Variants in TAFA4 observed in about 807,000 individuals in gnomAD.
TAFA4 encodes the protein TAFA chemokine like family member 4, also known as chemokine-like protein TAFA-4.
TAFA4 carries 20 observed loss-of-function variants against 21.1 expected under a neutral mutation model. The observed-to-expected ratio is 0.95, with a 90% CI of 0.67 to 1.38. The LOEUF (loss-of-function observed/expected upper bound fraction) is 1.38, where lower values mean the gene tolerates loss of function less well. Ranked by LOEUF, TAFA4 falls within the 40% of genes most tolerant of loss-of-function variation. The probability of loss-of-function intolerance (pLI) is 0.00; values close to 1 mark genes in which losing one functional copy is unlikely to be tolerated. For synonymous variants in TAFA4, 71 were observed against 67.4 expected, an observed-to-expected ratio of 1.05 and a Z score of -0.26; for missense variants, 211 against 180.9, an observed-to-expected ratio of 1.17 and a Z score of -0.95.
chr3:68,832,213 G>T (rs1704414522), intron 3 of TAFA4, among the ~76,000 whole-genome samples: 1 of 152,112 alleles, frequency 6.6e-6, no homozygotes, highest in South Asian at 2.1e-4. Context: ...GTCCAGTTTT[G>T]TTCCCTTGCT....
intron 3 of TAFA4, among the ~76,000 whole-genome samples, chr3:68,869,066 A>G (rs1269190551): frequency 2.0e-5 from 3 of 151,936 alleles, no homozygotes; most frequent in Non-Finnish European, 1.5e-5. Context: ...CAGAAATTCA[A>G]TGGATCATCA....
chr3:68,926,239 A>T (rs1159570508), intron 1 of TAFA4, among the ~76,000 whole-genome samples: 1 of 152,010 alleles, frequency 6.6e-6, no homozygotes. Flanking sequence ...AAAAAAAAAA[A>T]AATCAGGTCT....
chr3:68,792,077 C>T (rs1288662107), intron 3 of TAFA4, among the ~76,000 whole-genome samples: 3 of 152,104 alleles, frequency 2.0e-5, no homozygotes, highest in Non-Finnish European at 4.4e-5. Context: ...TAGTTTTTCT[C>T]AAATTATTAA....
chr3:68,779,713 C>T (rs1703119625), intron 3 of TAFA4, among the ~76,000 whole-genome samples: 1 of 152,190 alleles, frequency 6.6e-6, no homozygotes, highest in East Asian at 1.9e-4. Context: ...TATGGAAACA[C>T]CTGGATGCCC....
chr3:68,920,541 A>G (rs887919583), intron 1 of TAFA4, among the ~76,000 whole-genome samples: 10 of 152,102 alleles, frequency 6.6e-5, no homozygotes, highest in Non-Finnish European at 1.0e-4. Flanking sequence ...TAAATATTTT[A>G]AATATGCGCA....
chr3:68,833,435 A>G (rs2106882206), intron 3 of TAFA4, among the ~76,000 whole-genome samples: 1 of 152,312 alleles, frequency 6.6e-6, no homozygotes, highest in African/African-American at 2.4e-5. Flanking sequence ...CATGCATGAA[A>G]ATGGAGCTTA....
In TAFA4 at chr3:68,885,362, T is replaced by C; in HGVS notation, c.-122-52A>G. On this transcript the variant is annotated intron_variant, in intron 1 of 5. Transcript: ENST00000295569. Reference sequence around the variant, plus strand: ...AAGGAATCAATTAGCATTTTAATGTTAAAATGAAACTAATTTCCAGTAGCA... The same window carrying C: ...AAGGAATCAATTAGCATTTTAATGTCAAAATGAAACTAATTTCCAGTAGCA... The C allele has an allele frequency of 6.8e-6, 4 of 589,072 alleles. No individual in the cohort carries two copies. In the South Asian group the frequency reaches 9.2e-5, roughly 14 times the overall value. 36.5% of individuals were successfully genotyped at this position (589,072 alleles called of 1,614,324 possible). A position where few individuals can be genotyped will look rare whatever the true frequency, so the allele number is the denominator to read the frequency against.
intron 3 of TAFA4, among the ~76,000 whole-genome samples, chr3:68,771,763 T>C (rs1173516493): frequency 6.6e-6 from 1 of 152,208 alleles, no homozygotes; most frequent in Non-Finnish European, 1.5e-5. Flanking sequence ...TAGAATATTC[T>C]AACAGAATGC....
chr3:68,876,807 T>G (rs563205165), intron 3 of TAFA4, among the ~76,000 whole-genome samples: 2 of 152,206 alleles, frequency 1.3e-5, no homozygotes, highest in African/African-American at 4.8e-5. Flanking sequence ...ACAGATAACA[T>G]TCAAAAGAAG....
At chr3:68,766,390 C>G (rs1702855464) in intron 3 of TAFA4, among the ~76,000 whole-genome samples, 1 of 151,842 alleles carries the variant, frequency 6.6e-6, no homozygotes. Context: ...ACATCAAATC[C>G]AGGTAATAAG....
intron 3 of TAFA4, among the ~76,000 whole-genome samples, chr3:68,788,189 C>G (rs1298480211): frequency 2.6e-5 from 4 of 152,170 alleles, no homozygotes; most frequent in Non-Finnish European, 5.9e-5. Context: ...ATGGCAGTAT[C>G]TCTATAGCTC....
intron 2 of TAFA4, 36 bp from the exon 3 acceptor site, chr3:68,880,881 G>C: frequency 6.4e-7 from 1 of 1,568,434 alleles, no homozygotes; most frequent in Non-Finnish European, 8.8e-7. Context: ...AGTGAGGGCT[G>C]AGGAAGGCCA....
intron 2 of TAFA4, among the ~76,000 whole-genome samples, chr3:68,883,387 T>G (rs766839738): frequency 1.5e-4 from 23 of 152,376 alleles, no homozygotes; most frequent in South Asian, 4.1e-4. Flanking sequence ...TTAGGGCTTA[T>G]CTGATTAGGT....
In TAFA4 at chr3:68,919,676, G is replaced by A. The variant is rs114521666; in HGVS notation, c.-123+12564C>T. 2.5e-3 allele frequency among the ~76,000 whole-genome samples: 382 copies of A among 152,166 alleles called. 2 individuals carry two copies. Among genetic ancestry groups the A allele is most frequent in the African/African-American group, 8.1e-3 (337 of 41,508 alleles). On this transcript the variant is annotated intron_variant, in intron 1 of 5. Transcript: ENST00000295569. ...TGACATGTTGCTTAGTGGCTCTCAC[G>A]GTGAACAGCAAGAAGTTTGGAACAT...
intron 1 of TAFA4, among the ~76,000 whole-genome samples, chr3:68,898,126 G>C (rs2089810579): frequency 6.6e-6 from 1 of 152,178 alleles, no homozygotes; most frequent in South Asian, 2.1e-4. Context: ...GGTGAGATGG[G>C]AAAGGACCCC....
intron 3 of TAFA4, among the ~76,000 whole-genome samples, chr3:68,864,291 T>C (rs1460215994): frequency 6.6e-6 from 1 of 152,098 alleles, no homozygotes; most frequent in African/African-American, 2.4e-5. Flanking sequence ...AGTGGCCAAA[T>C]AATTTGAACA....
intron 1 of TAFA4, among the ~76,000 whole-genome samples, chr3:68,930,260 G>A (rs969919685): frequency 6.6e-6 from 1 of 151,118 alleles, no homozygotes; most frequent in Non-Finnish European, 1.5e-5. Flanking sequence ...TATAAAAATG[G>A]TTGCCTTCAA....
At chr3:68,905,411 G>A (rs185115062) in intron 1 of TAFA4, among the ~76,000 whole-genome samples, 62 of 152,032 alleles carry the variant, frequency 4.1e-4, no homozygotes, top group African/African-American at 1.4e-3. Flanking sequence ...CTCATGATCC[G>A]TCCGCCTCGG....
intron 1 of TAFA4, among the ~76,000 whole-genome samples, chr3:68,906,612 G>T (rs1050948187): frequency 5.3e-5 from 8 of 152,122 alleles, no homozygotes; most frequent in African/African-American, 1.9e-4. Context: ...CTTATCAACA[G>T]CTCTAGGACT....
Sources: allele counts gnomAD v4.1 joint callset (sites outside exome capture counted in the v4.1 genomes callset), GRCh38; gene constraint gnomAD v4.1.1; transcripts MANE v1.5; gene names NCBI Gene and HGNC (gene_info 2026-07-23, HGNC 2026-07-21).